The following C19orf81 variants were observed in gnomAD, a reference collection of about 807,000 sequenced individuals.
C19orf81 encodes the protein putative uncharacterized protein C19orf81.
C19orf81 carries 19 observed loss-of-function variants against 22.1 expected under a neutral mutation model. The observed-to-expected ratio is 0.86, with a 90% CI of 0.60 to 1.26. The LOEUF is 1.26. Ranked by LOEUF, C19orf81 falls within the 50% of genes most tolerant of loss-of-function variation. The pLI, the probability that C19orf81 is intolerant of heterozygous loss-of-function variation, is 0.00. For missense variants in C19orf81, 287 were observed against 280.7 expected (o/e 1.02, Z -0.16); for synonymous variants, 108 against 113.1 (o/e 0.95, Z 0.29).
In C19orf81 at chr19:50,658,099, C is replaced by T; in HGVS notation, c.372C>T (p.Val124=). 12 of 1,535,600 alleles carry T rather than the reference C, an allele frequency of 7.8e-6. No individual in the cohort carries two copies. The highest frequency in any genetic ancestry group is 2.0e-5 in the Admixed American group (1 of 50,936). Residue 124 remains valine, a synonymous_variant, in exon 4 of 5, where the codon GTC becomes GTT. Coordinates refer to ENST00000425202, the MANE Select transcript of C19orf81 (RefSeq NM_001195076.2). Reference sequence around the variant, plus strand: ...GCATCCGCTTTGAGAACATGAACGTCATCTGTGGGACTGCTGGGCGCCGGA... The same window carrying T: ...GCATCCGCTTTGAGAACATGAACGTTATCTGTGGGACTGCTGGGCGCCGGA... ...VSSIRFENMN[V]ICGTAGRRNR... is the part of the protein sequence containing the mutation.
In C19orf81 at chr19:50,658,047, G is replaced by A. The variant is rs2123044683; in HGVS notation, c.320G>A (p.Gly107Glu). The change falls in exon 4 of 5, where the codon GGG becomes GAG. Residue 107 changes from glycine (G) to glutamate (E), a missense_variant. Physicochemically the swap from Gly to Glu is moderately conservative, Grantham distance 98 (BLOSUM62 -2). Coordinates refer to ENST00000425202, the MANE Select transcript of C19orf81 (RefSeq NM_001195076.2). The stretch of plus-strand genomic sequence containing the variant: ...CAAGCCCTGGAGGCCCAGTTACCAG[G>A]GGCCATGGAGAGCGGGCGCGTGAGC... ...VLQALEAQLP[G>E]AMESGRVSSI... 2 of 1,536,056 alleles carry A rather than the reference G, an allele frequency of 1.3e-6. No individual in the cohort carries two copies. Among genetic ancestry groups the A allele is most frequent in the Non-Finnish European group, 8.7e-7 (1 of 1,146,868 alleles).
At chr19:50,650,847 C>A (rs1210615403) in intron 1 of C19orf81, among the ~76,000 whole-genome samples, 2 of 152,200 alleles carry the variant, frequency 1.3e-5, no homozygotes, top group African/African-American at 4.8e-5. Context: ...CTTTTGAAGG[C>A]ATCTTTCTTT....
At chr19:50,653,534 T>C (rs773449790) in intron 1 of C19orf81, among the ~76,000 whole-genome samples, 1 of 151,992 alleles carries the variant, frequency 6.6e-6, no homozygotes, top group Non-Finnish European at 1.5e-5. Flanking sequence ...TTGAATCCAG[T>C]AGGTCTGGGG....
intron 1 of C19orf81, among the ~76,000 whole-genome samples, chr19:50,651,957 T>C (rs1366598978): frequency 1.3e-5 from 2 of 152,226 alleles, no homozygotes; most frequent in African/African-American, 4.8e-5. Flanking sequence ...TTTGATTCAT[T>C]TAACGCTTGT....
At chr19:50,658,289 G>A (rs1325442547) in intron 4 of C19orf81, among the ~76,000 whole-genome samples, 161 bp downstream of exon 4, 1 of 151,514 alleles carries the variant, frequency 6.6e-6, no homozygotes, top group East Asian at 1.9e-4. Flanking sequence ...CGTGGTTGGT[G>A]TAAGGGTGCT....
chr19:50,652,216 G>T (rs1984892304), intron 1 of C19orf81, among the ~76,000 whole-genome samples: 1 of 152,098 alleles, frequency 6.6e-6, no homozygotes, highest in East Asian at 1.9e-4. Flanking sequence ...TCTCAAAATT[G>T]TATTTTTTTA....
chr19:50,651,036 A>AT (rs1331222434), intron 1 of C19orf81, among the ~76,000 whole-genome samples: 1 of 152,116 alleles, frequency 6.6e-6, no homozygotes, highest in Non-Finnish European at 1.5e-5. Flanking sequence ...AACCAATCAC[A>AT]TTTTTTAGTT....
chr19:50,651,553 G>A (rs1984879484), intron 1 of C19orf81, among the ~76,000 whole-genome samples: 1 of 151,976 alleles, frequency 6.6e-6, no homozygotes, highest in African/African-American at 2.4e-5. Flanking sequence ...AGGCACACAG[G>A]GGCCCTCTGA....
At chr19:50,650,563 A>G (rs1042694344) in intron 1 of C19orf81, among the ~76,000 whole-genome samples, 1 of 152,066 alleles carries the variant, frequency 6.6e-6, no homozygotes, top group Admixed American at 6.6e-5. Flanking sequence ...CCCAGTTACT[A>G]GGGAGGCTGA....
At chr19:50,650,435 C>A (rs1055880715) in intron 1 of C19orf81, among the ~76,000 whole-genome samples, 6 of 152,182 alleles carry the variant, frequency 3.9e-5, no homozygotes, top group Non-Finnish European at 7.4e-5. Flanking sequence ...CTTTGGAGGC[C>A]GAGGTGAGTG....
chr19:50,649,773 A>C (rs1176974847), intron 1 of C19orf81: 2 of 597,654 alleles, frequency 3.3e-6, no homozygotes, highest in East Asian at 3.6e-5. Context: ...CCTAAGCAAC[A>C]CCTCTGAGGC....
At chr19:50,652,323 A>G (rs1414799857) in intron 1 of C19orf81, among the ~76,000 whole-genome samples, 1 of 152,220 alleles carries the variant, frequency 6.6e-6, no homozygotes, top group African/African-American at 2.4e-5. Flanking sequence ...GCACTTTGCT[A>G]GATGCTGGGG....
intron 4 of C19orf81, 102 bp downstream of exon 4, chr19:50,658,230 C>T (rs1985044794): frequency 1.6e-6 from 2 of 1,225,412 alleles, no homozygotes; most frequent in South Asian, 1.5e-5. Flanking sequence ...AGGGACGTGG[C>T]CAAGAGTGAA....
At chr19:50,653,161 C>T (rs917985450) in intron 1 of C19orf81, among the ~76,000 whole-genome samples, 2 of 152,198 alleles carry the variant, frequency 1.3e-5, no homozygotes, top group East Asian at 3.9e-4. Flanking sequence ...CCTCAGCCTC[C>T]GGAGTACCTA....
chr19:50,652,355 C>T (rs1464879337), intron 1 of C19orf81, among the ~76,000 whole-genome samples: 6 of 152,168 alleles, frequency 3.9e-5, no homozygotes, highest in Non-Finnish European at 1.5e-5. Flanking sequence ...AGTCCCTGCC[C>T]TTACGTTGCT....
chr19:50,654,021 T>A (rs568154339), intron 1 of C19orf81, among the ~76,000 whole-genome samples: 1 of 152,226 alleles, frequency 6.6e-6, no homozygotes, highest in South Asian at 2.1e-4. Context: ...TTTGTTGTGT[T>A]GAGACATGAT....
chr19:50,658,675 G>A, intron 4 of C19orf81: 1 of 371,208 alleles, frequency 2.7e-6, no homozygotes, highest in Non-Finnish European at 4.8e-6. Context: ...AGCGCAGCCT[G>A]CAGTCGCCAG....
intron 4 of C19orf81, chr19:50,658,741 G>C: frequency 2.3e-6 from 1 of 436,382 alleles, no homozygotes; most frequent in Non-Finnish European, 3.9e-6. Context: ...CAGTGATTAG[G>C]ACGCAGAACC....
Position 50,659,127 on chromosome 19 carries a change from G to A in C19orf81, c.582G>A (p.Pro194=), listed in dbSNP as rs1351115187. 2 of 1,416,334 alleles carry A rather than the reference G, an allele frequency of 1.4e-6. No homozygotes were observed. Among genetic ancestry groups the A allele is most frequent in the Non-Finnish European group, 1.8e-6 (2 of 1,084,916 alleles). The allele number at this position is 1,416,334 out of a possible 1,614,324, so 87.7% of individuals were successfully genotyped here. ...TGCTCGAGGCCCTGGGGGCGGAGCC[G>A]AACGAGGAGGCCTGACGCCCGGGCG... is the stretch of plus-strand genomic sequence containing the variant. ...RRMLEALGAE[P]NEEA The change falls in exon 5 of 5, where the codon CCG becomes CCA. Residue 194 remains proline, a synonymous_variant. Coordinates refer to ENST00000425202, the MANE Select transcript of C19orf81 (RefSeq NM_001195076.2).
Sources: allele counts gnomAD v4.1 joint callset (sites outside exome capture counted in the v4.1 genomes callset), GRCh38; gene constraint gnomAD v4.1.1; transcripts MANE v1.5; gene names NCBI Gene and HGNC (gene_info 2026-07-23, HGNC 2026-07-21).